The following KAT6A variants were observed in gnomAD, a reference collection of about 807,000 sequenced individuals.
KAT6A encodes lysine acetyltransferase 6A, also known as histone acetyltransferase KAT6A.
A neutral mutation model predicts 198.4 loss-of-function variants in KAT6A; 9 were observed. The ratio of observed to expected loss-of-function variants is 0.05; its 90% CI spans 0.03 to 0.08. KAT6A has a LOEUF of 0.08. KAT6A is among the 10% of genes least tolerant of loss of function. The pLI is 1.00. For synonymous variants in KAT6A, 890 were observed against 883.0 expected (o/e 1.01, Z -0.14); for missense variants, 2,077 against 2,509.9 (o/e 0.83, Z 3.69).
intron 2 of KAT6A, among the ~76,000 whole-genome samples, chr8:42,012,102 A>G (rs1217005488): frequency 6.6e-6 from 1 of 152,222 alleles, no homozygotes; most frequent in Non-Finnish European, 1.5e-5. Flanking sequence ...TGACAATATC[A>G]AGTACCAGTG....
chr8:41,978,585 C>T (rs1343380029), intron 6 of KAT6A, 57 bp downstream of exon 6: 1 of 1,555,264 alleles, frequency 6.4e-7, no homozygotes, highest in Admixed American at 1.9e-5. Context: ...GTGAATCCTA[C>T]ACTATAGAGA....
intron 12 of KAT6A, 32 bp from the exon 13 acceptor site, chr8:41,944,011 T>C (rs1264698137): frequency 1.3e-6 from 2 of 1,495,420 alleles, no homozygotes; most frequent in African/African-American, 1.4e-5. Flanking sequence ...AAATCAGAAC[T>C]AGGTCAGCAA....
intron 8 of KAT6A, among the ~76,000 whole-genome samples, chr8:41,955,668 G>A (rs1358246925): frequency 6.6e-6 from 1 of 152,114 alleles, no homozygotes; most frequent in Non-Finnish European, 1.5e-5. Flanking sequence ...TTTAATAACA[G>A]TAAAAATATT....
chr8:42,044,609 A>G (rs1293856952), intron 2 of KAT6A, among the ~76,000 whole-genome samples: 1 of 152,202 alleles, frequency 6.6e-6, no homozygotes, highest in Non-Finnish European at 1.5e-5. Context: ...AAAAACAAAA[A>G]GTTAGAATTG....
chr8:42,022,911 G>A (rs1250538536), intron 2 of KAT6A, among the ~76,000 whole-genome samples: 1 of 152,134 alleles, frequency 6.6e-6, no homozygotes, highest in Non-Finnish European at 1.5e-5. Flanking sequence ...GTCATGTGTC[G>A]CTTAATGATG....
In KAT6A at chr8:41,934,282, T is replaced by G; in HGVS notation, c.3938A>C (p.Asp1313Ala). 6.2e-7 allele frequency: 1 copy of G among 1,614,134 alleles called. No homozygotes were observed. Among genetic ancestry groups the G allele is most frequent in the Non-Finnish European group, 8.5e-7 (1 of 1,180,028 alleles). The stretch of plus-strand genomic sequence containing the variant: ...ATCATCCTCATCATCAGCGTCGTGG[T>G]CGTCATTCTGGGCAGTCTCTGCAGC... ...DAAAETAQND[D>A]HDADDEDDGH... The change falls in exon 17 of 17, where the codon GAC becomes GCC. Residue 1313 changes from aspartate (D) to alanine (A), a missense_variant. Transcript: ENST00000265713.
At chr8:41,979,349 T>G (rs114737649) in intron 5 of KAT6A, among the ~76,000 whole-genome samples, 2,259 of 152,040 alleles carry the variant, frequency 0.015, 51 homozygotes, top group African/African-American at 0.051. Context: ...CCTAAGGAAA[T>G]GTTTCTTGAC....
Position 42,044,891 on chromosome 8 carries a change from C to CT in KAT6A, c.600+3486dup, listed in dbSNP as rs1255993896. On this transcript the variant is annotated intron_variant, in intron 2 of 16. Coordinates refer to ENST00000265713, the MANE Select transcript of KAT6A (RefSeq NM_006766.5). ...CAAATAAACTCTGGATAATTCTTTT[C>CT]TTTTTTTGAGAACATCTAGGTTCGT... Among the ~76,000 whole-genome samples the CT allele has an allele frequency of 3.9e-5, 6 of 152,250 alleles. 1 individual carries two copies. Among genetic ancestry groups the CT allele is most frequent in the Admixed American group, 1.3e-4 (2 of 15,296 alleles).
intron 2 of KAT6A, among the ~76,000 whole-genome samples, chr8:42,041,759 T>C (rs1465174432): frequency 2.0e-5 from 3 of 150,824 alleles, no homozygotes; most frequent in Non-Finnish European, 4.4e-5. Flanking sequence ...AGAAAAGAAA[T>C]GCATGTCATA....
intron 2 of KAT6A, among the ~76,000 whole-genome samples, chr8:42,006,431 G>A (rs1023012106): frequency 7.9e-5 from 12 of 152,196 alleles, no homozygotes; most frequent in Non-Finnish European, 1.3e-4. Flanking sequence ...GTCACCTCAG[G>A]TTGGGTATCC....
rs1179898343 is a variant in KAT6A at position 41,955,393 on chromosome 8, G to A, written c.1501C>T (p.Pro501Ser). The change falls in exon 9 of 17, where the codon CCC becomes TCC. Residue 501 changes from proline to serine, a missense_variant. Transcript: ENST00000265713. ...QALQKVGVTGPPDPQVRCPSV... is the reference protein window; with the variant it reads ...QALQKVGVTGSPDPQVRCPSV... ...GGACAGCGGACTTGTGGATCAGGGG[G>A]ACCAGTCACTCCAACTTTCTGTGCA... 1.9e-6 allele frequency: 3 copies of A among 1,610,978 alleles called. No individual in the cohort carries two copies. The highest frequency in any genetic ancestry group is 1.7e-4 in the Middle Eastern group (1 of 6,052).
At chr8:41,966,108 G>A (rs948053136) in intron 8 of KAT6A, among the ~76,000 whole-genome samples, 5 of 152,070 alleles carry the variant, frequency 3.3e-5, no homozygotes, top group Non-Finnish European at 7.4e-5. Flanking sequence ...AAGCTTAAAC[G>A]AGTTGATATT....
At chr8:41,939,121 A>G (rs1821986119) in intron 15 of KAT6A, among the ~76,000 whole-genome samples, 1 of 152,170 alleles carries the variant, frequency 6.6e-6, no homozygotes, top group African/African-American at 2.4e-5. Context: ...TAATGATATA[A>G]ATAAATGCTT....
rs773704290 is a variant in KAT6A, at chr8:41,932,394, G to A, written c.5826C>T (p.Tyr1942=). The A allele has an allele frequency of 6.2e-7, 1 of 1,614,196 alleles. No individual in the cohort carries two copies. The highest frequency in any genetic ancestry group is 1.1e-5 in the South Asian group (1 of 91,088). ...TAGGATACTGTGCTGTCTGGTTCAT[G>A]TAGGCAGGGTTACTATGGTAACTGC... The part of the protein sequence containing the change: ...MNSSYHSNPA[Y]MNQTAQYPMQ... Residue 1942 remains tyrosine, a synonymous_variant, in exon 17 of 17, where the codon TAC becomes TAT. Transcript: ENST00000265713.
At chr8:42,032,326 G>A (rs1328842264) in intron 2 of KAT6A, among the ~76,000 whole-genome samples, 1 of 152,000 alleles carries the variant, frequency 6.6e-6, no homozygotes, top group Non-Finnish European at 1.5e-5. Flanking sequence ...CCTATCTTTT[G>A]TACCTATGTA....
At chr8:42,029,038 C>T (rs1159522724) in intron 2 of KAT6A, among the ~76,000 whole-genome samples, 1 of 152,080 alleles carries the variant, frequency 6.6e-6, no homozygotes, top group Non-Finnish European at 1.5e-5. Context: ...ATTTATTTAT[C>T]TTTCATTCTA....
At chr8:41,988,434 G>A (rs987656253) in intron 2 of KAT6A, among the ~76,000 whole-genome samples, 6 of 152,080 alleles carry the variant, frequency 3.9e-5, no homozygotes, top group African/African-American at 7.2e-5. Flanking sequence ...GCTTTAAAAC[G>A]AAAATAAATT....
At chr8:41,943,493 G>T (rs559022573) in intron 13 of KAT6A, among the ~76,000 whole-genome samples, 1 of 152,226 alleles carries the variant, frequency 6.6e-6, no homozygotes, top group Admixed American at 6.5e-5. Context: ...GAAGATGAAA[G>T]ATTCAGTAGC....
intron 2 of KAT6A, among the ~76,000 whole-genome samples, chr8:42,020,500 T>C (rs1264999044): frequency 6.6e-6 from 1 of 152,208 alleles, no homozygotes; most frequent in Non-Finnish European, 1.5e-5. Flanking sequence ...TTGTTATTTC[T>C]TTGGCTTCCC....
Sources: gnomAD v4.1 joint callset for allele counts (sites outside exome capture counted in the v4.1 genomes callset) on GRCh38, gnomAD v4.1.1 for gene constraint, MANE v1.5 for transcripts, NCBI Gene and HGNC (gene_info 2026-07-23, HGNC 2026-07-21) for gene names.